The following ZNF565 variants were observed in gnomAD, a reference collection of about 807,000 sequenced individuals.
ZNF565 encodes zinc finger protein 565.
A neutral mutation model predicts 39.4 loss-of-function variants in ZNF565; 27 were observed. The observed-to-expected ratio is 0.69, with a 90% CI of 0.51 to 0.95. ZNF565 has a LOEUF of 0.95. ZNF565 is among the 40% of genes least tolerant of loss of function. ZNF565 has a pLI of 0.00. For missense variants in ZNF565, 524 were observed against 621.1 expected (o/e 0.84, Z 1.66); for synonymous variants, 185 against 216.6 (o/e 0.85, Z 1.28).
Position 36,201,998 on chromosome 19 carries a change from T to G in ZNF565, c.-13A>C. On this transcript the variant is annotated 5_prime_UTR_variant, in exon 2 of 5. Coordinates refer to ENST00000304116, the MANE Select transcript of ZNF565 (RefSeq NM_152477.5). ...ATACCTGGGCCATGGCTTTTAGAAC[T>G]ATTTGACCTGCTCTGATTTCTCTGG... 6.2e-7 allele frequency: 1 copy of G among 1,614,092 alleles called. No individual in the cohort carries two copies.
At chr19:36,196,093 C>T (rs1280073411) in intron 2 of ZNF565, among the ~76,000 whole-genome samples, 1 of 151,940 alleles carries the variant, frequency 6.6e-6, no homozygotes, top group African/African-American at 2.4e-5. Context: ...TGCGCCGCCA[C>T]ACTTGGCTAA....
At chr19:36,197,563 CTG>C (rs1399516203) in intron 2 of ZNF565, among the ~76,000 whole-genome samples, 1 of 151,974 alleles carries the variant, frequency 6.6e-6, no homozygotes, top group African/African-American at 2.4e-5. Context: ...AAGACAGAGA[CTG>C]TTATTGGTTG....
chr19:36,194,689 A>C, intron 3 of ZNF565: 1 of 478,624 alleles, frequency 2.1e-6, no homozygotes, highest in Non-Finnish European at 3.8e-6. Flanking sequence ...TTCTGTGCCC[A>C]GCTCTGGGAT....
At chr19:36,239,908 T>C (rs529956210) in intron 1 of ZNF565, among the ~76,000 whole-genome samples, 1 of 152,370 alleles carries the variant, frequency 6.6e-6, no homozygotes, top group African/African-American at 2.4e-5. Flanking sequence ...GTCAATAATA[T>C]ACAGCATTTG....
At chr19:36,221,927 CTTTTTTTT>C (rs60347994) in intron 1 of ZNF565, among the ~76,000 whole-genome samples, 8,314 of 109,976 alleles carry the variant, frequency 0.076, 280 homozygotes, top group Non-Finnish European at 0.088. Context: ...TTTTTTCTTT[CTTTTTTTT>C]TTTTTTTTTT....
chr19:36,245,604 C>T lies in ZNF565; in HGVS notation c.-74G>A. On this transcript the variant is annotated 5_prime_UTR_variant, in exon 1 of 5. Coordinates refer to the ZNF565 transcript ENST00000355114. This position sits in a 1 kb window ranked among gnomAD's most constrained non-coding sequence, Gnocchi z 4.4. ...TCTAGGAGGAGGCTTGAGATGCAGC[C>T]TCCCAGCTTCGAGGCTACCACCTGC... 1.4e-6 allele frequency: 1 copy of T among 701,032 alleles called. No homozygotes were observed. The highest frequency in any genetic ancestry group is 2.3e-4 in the Middle Eastern group (1 of 4,358). 43.4% of individuals were successfully genotyped at this position (701,032 alleles called of 1,614,324 possible). A position where few individuals can be genotyped will look rare whatever the true frequency, so the allele number is the denominator to read the frequency against.
Position 36,183,449 on chromosome 19 carries a change from C to A in ZNF565, c.517G>T (p.Gly173Trp). The change falls in exon 5 of 5, where the codon GGG (glycine) becomes TGG (tryptophan). Residue 173 changes from glycine to tryptophan, a missense_variant. Transcript: ENST00000304116. ...GEKLMECHECGKAFSRGSHLI... is the reference protein window; with the variant it reads ...GEKLMECHECWKAFSRGSHLI... ...TGTGAGCCACGGCTAAATGCTTTCCCACATTCATGACATTCCATCAGTTTC... is the reference window on the plus strand; with the variant it reads ...TGTGAGCCACGGCTAAATGCTTTCCAACATTCATGACATTCCATCAGTTTC... 1 of 1,614,214 alleles carries A rather than the reference C, an allele frequency of 6.2e-7. No homozygotes were observed. Among genetic ancestry groups the A allele is most frequent in the East Asian group, 2.2e-5 (1 of 44,886 alleles).
intron 1 of ZNF565, among the ~76,000 whole-genome samples, chr19:36,211,488 A>C (rs868305363): frequency 1.1e-4 from 12 of 111,754 alleles, no homozygotes; most frequent in African/African-American, 3.3e-4. Context: ...CACACACACA[A>C]TTCTAATTAA....
In ZNF565 at chr19:36,224,250, G is replaced by C. The variant is rs139852996; in HGVS notation, c.55+21226C>G. Among the ~76,000 whole-genome samples, 54 of 152,236 alleles carry C rather than the reference G, an allele frequency of 3.5e-4. No homozygotes were observed. In the East Asian group the frequency reaches 9.1e-3, roughly 26 times the overall value. On this transcript the variant is annotated intron_variant, in intron 1 of 4. Coordinates refer to the ZNF565 transcript ENST00000355114. ...TACAAAACATTAGCTGGGTGTGGTG[G>C]CACATGCCTGAATCCCAGCTATTCG...
At chr19:36,212,416 A>G (rs796210453) in intron 1 of ZNF565, among the ~76,000 whole-genome samples, 17 of 152,248 alleles carry the variant, frequency 1.1e-4, no homozygotes, top group African/African-American at 4.1e-4. Context: ...GTTCGAGACC[A>G]GTCTGGCCAA....
chr19:36,189,232 T>A (rs562859128), intron 4 of ZNF565, among the ~76,000 whole-genome samples: 3 of 152,106 alleles, frequency 2.0e-5, no homozygotes, highest in African/African-American at 7.2e-5. Flanking sequence ...GAGGTTGCAG[T>A]GAGCCGAGAT....
intron 1 of ZNF565, among the ~76,000 whole-genome samples, chr19:36,206,642 C>G (rs1438682821): frequency 6.6e-6 from 1 of 151,930 alleles, no homozygotes; most frequent in Non-Finnish European, 1.5e-5. Context: ...ACCAGCCTGG[C>G]CAACATGGTG....
chr19:36,238,770 C>T (rs997426828), intron 1 of ZNF565: 3 of 167,014 alleles, frequency 1.8e-5, no homozygotes, highest in African/African-American at 7.2e-5. Flanking sequence ...ACAGCACAAT[C>T]CAAATCTGTT....
At chr19:36,207,195 A>T (rs1976187233) in intron 1 of ZNF565, among the ~76,000 whole-genome samples, 1 of 152,234 alleles carries the variant, frequency 6.6e-6, no homozygotes, top group African/African-American at 2.4e-5. Flanking sequence ...TTTATTCTTA[A>T]GGAAAACAGG....
intron 1 of ZNF565, among the ~76,000 whole-genome samples, chr19:36,222,143 C>T (rs1035031267): frequency 2.0e-5 from 3 of 151,998 alleles, no homozygotes; most frequent in Admixed American, 6.6e-5. Flanking sequence ...AGATTGGTCT[C>T]GAACTCCTGA....
chr19:36,186,217 C>T (rs769286988), intron 4 of ZNF565, among the ~76,000 whole-genome samples: 5 of 152,034 alleles, frequency 3.3e-5, no homozygotes, highest in South Asian at 2.1e-4. Context: ...GGCTGGTCTC[C>T]TGAACTCCTG....
chr19:36,235,690 G>A (rs1977621837), intron 1 of ZNF565: 2 of 152,170 alleles, frequency 1.3e-5, no homozygotes. Context: ...CACAGATAGA[G>A]AGGCACCAGG....
chr19:36,215,085 G>A (rs1339582706), upstream of ZNF565: 1 of 152,396 alleles, frequency 6.6e-6, no homozygotes, highest in Non-Finnish European at 1.5e-5. Context: ...GGAGACTTCT[G>A]GGAGTGCTTC....
chr19:36,222,153 A>C (rs896444640), intron 1 of ZNF565, among the ~76,000 whole-genome samples: 2 of 152,012 alleles, frequency 1.3e-5, no homozygotes, highest in African/African-American at 4.8e-5. Context: ...CGAACTCCTG[A>C]GCTCAAGCAG....
Sources: gnomAD v4.1 joint callset for allele counts (sites outside exome capture counted in the v4.1 genomes callset) on GRCh38, gnomAD v4.1.1 for gene constraint, Gnocchi (gnomAD v3.1) non-coding constraint, MANE v1.5 for transcripts, NCBI Gene and HGNC (gene_info 2026-07-23, HGNC 2026-07-21) for gene names.